The following KAZN variants were observed in gnomAD, a reference collection of about 807,000 sequenced individuals.
The protein encoded by KAZN is kazrin, periplakin interacting protein.
KAZN carries 40 observed loss-of-function variants against 87.4 expected under a neutral mutation model. The observed-to-expected ratio is 0.46, with a 90% CI of 0.36 to 0.60. The LOEUF is 0.60. Ranked by LOEUF, KAZN falls within the 20% of genes least tolerant of loss-of-function variation. The pLI is 0.00. For missense variants in KAZN, 898 were observed against 1,073.9 expected, an observed-to-expected ratio of 0.84 and a Z score of 2.29; for synonymous variants, 466 against 458.3, an observed-to-expected ratio of 1.02 and a Z score of -0.22.
At chr1:14,541,936 A>G (rs1458634921) in intron 2 of KAZN, among the ~76,000 whole-genome samples, 7 of 152,196 alleles carry the variant, frequency 4.6e-5, no homozygotes, top group Non-Finnish European at 1.0e-4. Flanking sequence ...TTGACAGCCC[A>G]CAAATCGGAC....
intron 1 of KAZN, among the ~76,000 whole-genome samples, chr1:13,903,978 G>A (rs1005523481): frequency 2.6e-5 from 4 of 152,134 alleles, no homozygotes; most frequent in Non-Finnish European, 4.4e-5. Context: ...GAAGGGATGC[G>A]AGCTCTAGAG....
chr1:14,383,806 T>G (rs1459031374), intron 2 of KAZN, among the ~76,000 whole-genome samples: 1 of 152,172 alleles, frequency 6.6e-6, no homozygotes, highest in Non-Finnish European at 1.5e-5. Context: ...TGGGCTCTTT[T>G]TTGATTCCAT....
At chr1:14,726,633 C>T (rs1306942990) in intron 1 of KAZN, among the ~76,000 whole-genome samples, 1 of 152,176 alleles carries the variant, frequency 6.6e-6, no homozygotes. Flanking sequence ...ACAACAAAAG[C>T]GATGAATACT....
intron 1 of KAZN, among the ~76,000 whole-genome samples, chr1:14,677,511 A>C (rs1029475429): frequency 6.6e-6 from 1 of 152,030 alleles, no homozygotes; most frequent in African/African-American, 2.4e-5. Context: ...GTGGACTCCA[A>C]GAATTCTGAG....
intron 1 of KAZN, among the ~76,000 whole-genome samples, chr1:14,141,543 G>A (rs1489481783): frequency 6.6e-6 from 1 of 152,074 alleles, no homozygotes; most frequent in Non-Finnish European, 1.5e-5. Flanking sequence ...ACTCCAAGGA[G>A]AAATGGTGGT....
chr1:13,894,158 C>G (rs950296883), intron 1 of KAZN, among the ~76,000 whole-genome samples: 1 of 152,102 alleles, frequency 6.6e-6, no homozygotes, highest in Admixed American at 6.5e-5. Flanking sequence ...TCTCTCTGCT[C>G]CTAAGAGTTA....
intron 2 of KAZN, among the ~76,000 whole-genome samples, chr1:14,269,451 T>C (rs2100677741): frequency 6.6e-6 from 1 of 152,124 alleles, no homozygotes; most frequent in African/African-American, 2.4e-5. Flanking sequence ...CTGGACTTGG[T>C]AATGGAAAGA....
At chr1:14,397,722 G>C (rs537220187) in intron 2 of KAZN, among the ~76,000 whole-genome samples, 1 of 151,882 alleles carries the variant, frequency 6.6e-6, no homozygotes, top group Admixed American at 6.6e-5. Context: ...TTAGCTGGGC[G>C]TGGTGGCAGG....
intron 1 of KAZN, among the ~76,000 whole-genome samples, chr1:14,886,918 T>C (rs1187134906): frequency 6.6e-6 from 1 of 152,248 alleles, no homozygotes; most frequent in African/African-American, 2.4e-5. Flanking sequence ...GGCAGTTTCT[T>C]TTGTTTGTTG....
intron 1 of KAZN, among the ~76,000 whole-genome samples, chr1:14,940,696 C>G (rs1660959537): frequency 6.6e-6 from 1 of 152,144 alleles, no homozygotes; most frequent in African/African-American, 2.4e-5. Flanking sequence ...CCGGGCTGAG[C>G]TGTGTGTTCC....
At chr1:14,564,831 A>G (rs1674460674) in intron 2 of KAZN, among the ~76,000 whole-genome samples, 1 of 152,064 alleles carries the variant, frequency 6.6e-6, no homozygotes. Context: ...TATATAAAAT[A>G]AAGTAAAATA....
intron 1 of KAZN, among the ~76,000 whole-genome samples, chr1:14,094,681 A>G (rs992103192): frequency 6.6e-6 from 1 of 152,222 alleles, no homozygotes; most frequent in Non-Finnish European, 1.5e-5. Flanking sequence ...ATATATTTCT[A>G]TGTATCTGTA....
At chr1:14,222,930 A>T (rs1262992500) in intron 2 of KAZN, 1 of 152,178 alleles carries the variant, frequency 6.6e-6, no homozygotes, top group Non-Finnish European at 1.5e-5. Flanking sequence ...AGTCATCATC[A>T]TCAACATCTT....
At chr1:14,249,235 G>A (rs912974859) in intron 2 of KAZN, among the ~76,000 whole-genome samples, 5 of 152,200 alleles carry the variant, frequency 3.3e-5, no homozygotes, top group African/African-American at 7.2e-5. Flanking sequence ...AGCAATGAAG[G>A]ATGGGAATGG....
At chr1:13,982,497 T>C (rs1394064518) in intron 1 of KAZN, among the ~76,000 whole-genome samples, 1 of 152,204 alleles carries the variant, frequency 6.6e-6, no homozygotes, top group Non-Finnish European at 1.5e-5. Flanking sequence ...GGAAGATTTA[T>C]TGCAAAGAGC....
chr1:14,127,851 G>A (rs879098105), intron 1 of KAZN, among the ~76,000 whole-genome samples: 3 of 152,270 alleles, frequency 2.0e-5, no homozygotes, highest in African/African-American at 7.2e-5. Flanking sequence ...CACTTGGCTC[G>A]TGGGGTTGTT....
intron 2 of KAZN, among the ~76,000 whole-genome samples, chr1:14,192,570 A>G (rs1271696222): frequency 6.6e-6 from 1 of 152,194 alleles, no homozygotes; most frequent in Non-Finnish European, 1.5e-5. Context: ...TCTGGAAAAA[A>G]ACTTGTTCTA....
intron 1 of KAZN, among the ~76,000 whole-genome samples, chr1:13,940,246 T>C (rs920840172): frequency 6.6e-6 from 1 of 150,948 alleles, no homozygotes; most frequent in Non-Finnish European, 1.5e-5. Context: ...AATTCAGCTG[T>C]GAATCCATTT....
intron 1 of KAZN, among the ~76,000 whole-genome samples, chr1:14,867,029 G>A (rs1407367803): frequency 2.0e-5 from 3 of 152,250 alleles, no homozygotes; most frequent in Admixed American, 6.5e-5. Context: ...GGCTGGCCAC[G>A]CCCCTGCCTC....
Sources: allele counts gnomAD v4.1 joint callset (sites outside exome capture counted in the v4.1 genomes callset), GRCh38; gene constraint gnomAD v4.1.1; transcripts MANE v1.5; gene names NCBI Gene and HGNC (gene_info 2026-07-23, HGNC 2026-07-21).